TRHDE: variants seen among roughly 807,000 people sequenced by gnomAD.
The protein encoded by TRHDE is thyrotropin releasing hormone degrading enzyme, also known as thyrotropin-releasing hormone-degrading ectoenzyme.
In TRHDE, 72 loss-of-function variants were observed where a neutral mutation model predicts 125.7. The observed-to-expected ratio is 0.57, with a 90% CI of 0.47 to 0.70. The LOEUF (loss-of-function observed/expected upper bound fraction) is 0.70. Ranked by LOEUF, TRHDE falls within the 30% of genes least tolerant of loss-of-function variation. The probability of loss-of-function intolerance (pLI) is 0.00; values close to 1 mark genes in which losing one functional copy is unlikely to be tolerated. For missense variants in TRHDE, 1,110 were observed against 1,327.1 expected, an observed-to-expected ratio of 0.84 and a Z score of 2.54; for synonymous variants, 509 against 509.1, an observed-to-expected ratio of 1.00 and a Z score of 0.00.
chr12:72,493,684 T>C (rs1351989160), intron 5 of TRHDE, among the ~76,000 whole-genome samples: 1 of 151,988 alleles, frequency 6.6e-6, no homozygotes, highest in Non-Finnish European at 1.5e-5. Context: ...TTCTCATTAC[T>C]GGTAATTTAC....
chr12:72,618,585 A>G (rs1323600890), intron 12 of TRHDE, among the ~76,000 whole-genome samples: 2 of 152,100 alleles, frequency 1.3e-5, no homozygotes, highest in African/African-American at 4.8e-5. Context: ...TAACCTCTGA[A>G]GAGTTTCTGT....
chr12:72,460,939 G>A (rs1057412952), intron 3 of TRHDE, among the ~76,000 whole-genome samples: 2 of 152,028 alleles, frequency 1.3e-5, no homozygotes, highest in Admixed American at 1.3e-4. Flanking sequence ...AGGAAATCAA[G>A]CAACACATGT....
intron 3 of TRHDE, among the ~76,000 whole-genome samples, chr12:72,405,152 GAC>G (rs1565729280): frequency 6.6e-6 from 1 of 152,150 alleles, no homozygotes; most frequent in East Asian, 1.9e-4. Flanking sequence ...TTTTACAAAA[GAC>G]AAAACTGAGA....
chr12:72,343,099 C>G (rs1870156061), intron 2 of TRHDE, among the ~76,000 whole-genome samples: 1 of 152,064 alleles, frequency 6.6e-6, no homozygotes, highest in Non-Finnish European at 1.5e-5. Context: ...CAGACTTCAG[C>G]CTATGGTCTT....
chr12:72,115,354 C>A (rs1487777679), intron 2 of TRHDE, among the ~76,000 whole-genome samples: 1 of 151,782 alleles, frequency 6.6e-6, no homozygotes, highest in Non-Finnish European at 1.5e-5. Context: ...TAGTTCCGTC[C>A]ATGTTGTTGC....
At chr12:72,092,058 G>C (rs1339589380) in intron 1 of TRHDE, among the ~76,000 whole-genome samples, 1 of 152,210 alleles carries the variant, frequency 6.6e-6, no homozygotes, top group East Asian at 1.9e-4. Flanking sequence ...GGCAGTAACA[G>C]TAGTAACTGC....
chr12:72,538,719 C>G (rs1358406735), intron 6 of TRHDE, among the ~76,000 whole-genome samples: 1 of 151,890 alleles, frequency 6.6e-6, no homozygotes, highest in African/African-American at 2.4e-5. Context: ...CTTCTAAATT[C>G]TGTATATCTG....
intron 12 of TRHDE, among the ~76,000 whole-genome samples, chr12:72,602,424 C>T (rs996655728): frequency 6.6e-6 from 1 of 152,124 alleles, no homozygotes; most frequent in Non-Finnish European, 1.5e-5. Flanking sequence ...AAATAAGACA[C>T]ATCTCTGAAG....
At position 72,547,870 on chromosome 12, in the gene TRHDE, CAGA is replaced by C. The variant is rs1231898692; in HGVS notation, c.1788+5517_1788+5519del. 2.0e-5 allele frequency among the ~76,000 whole-genome samples: 3 copies of C among 151,936 alleles called. No homozygotes were observed. The East Asian group carries it at 5.8e-4, about 29-fold the overall frequency. On this transcript the variant is annotated intron_variant, in intron 7 of 18. Coordinates refer to ENST00000261180, the MANE Select transcript of TRHDE (RefSeq NM_013381.3). ...CAATAACCAGAAACTGTCTCTTGCA[CAGA>C]AGCTCAAGTTACACTTTTTAAATAT...
intron 2 of TRHDE, among the ~76,000 whole-genome samples, chr12:72,110,711 T>C (rs1256412376): frequency 6.6e-6 from 1 of 152,158 alleles, no homozygotes; most frequent in Admixed American, 6.6e-5. Context: ...TGTTCTACAA[T>C]GATTTATTCC....
At chr12:72,451,229 G>A (rs1875554287) in intron 3 of TRHDE, among the ~76,000 whole-genome samples, 1 of 151,988 alleles carries the variant, frequency 6.6e-6, no homozygotes, top group Admixed American at 6.6e-5. Context: ...TTTCTCCTCT[G>A]TTTTCTTCTA....
At chr12:72,176,809 C>T (rs1414886489) in intron 2 of TRHDE, among the ~76,000 whole-genome samples, 1 of 152,104 alleles carries the variant, frequency 6.6e-6, no homozygotes, top group Admixed American at 6.6e-5. Context: ...AAAGATAGTA[C>T]AAAAACTAAA....
intron 2 of TRHDE, among the ~76,000 whole-genome samples, chr12:72,291,977 C>T (rs1880105894): frequency 6.6e-6 from 1 of 152,126 alleles, no homozygotes; most frequent in African/African-American, 2.4e-5. Flanking sequence ...TACATTCAGC[C>T]CAAGCAGGTA....
At chr12:72,483,392 T>C (rs974503860) in intron 5 of TRHDE, among the ~76,000 whole-genome samples, 1 of 152,020 alleles carries the variant, frequency 6.6e-6, no homozygotes, top group Non-Finnish European at 1.5e-5. Context: ...AAAATATGTA[T>C]GAAATCCCCA....
chr12:72,380,330 A>G (rs1473670875), intron 3 of TRHDE, among the ~76,000 whole-genome samples: 1 of 152,216 alleles, frequency 6.6e-6, no homozygotes, highest in Non-Finnish European at 1.5e-5. Context: ...GCAATTAGTA[A>G]CATTTGTAGC....
intron 12 of TRHDE, among the ~76,000 whole-genome samples, chr12:72,580,384 T>C (rs1312409318): frequency 1.3e-5 from 2 of 152,250 alleles, no homozygotes; most frequent in Admixed American, 1.3e-4. Flanking sequence ...GTATTATGGC[T>C]TGCACTTTAA....
chr12:72,409,849 A>T (rs1057282057), intron 3 of TRHDE, among the ~76,000 whole-genome samples: 1 of 152,210 alleles, frequency 6.6e-6, no homozygotes, highest in Non-Finnish European at 1.5e-5. Context: ...GAACCATAGT[A>T]ACTGGTAATG....
At chr12:72,642,780 C>A (rs1874118560) in intron 15 of TRHDE, among the ~76,000 whole-genome samples, 1 of 152,142 alleles carries the variant, frequency 6.6e-6, no homozygotes, top group Admixed American at 6.5e-5. Context: ...TCCTTGTAAT[C>A]CTAATATCAA....
intron 2 of TRHDE, among the ~76,000 whole-genome samples, chr12:72,115,694 C>T (rs970211426): frequency 1.3e-5 from 2 of 152,180 alleles, no homozygotes; most frequent in Non-Finnish European, 2.9e-5. Flanking sequence ...CTTTCCTCCA[C>T]ATCCTCACTA....
Sources: gnomAD v4.1 joint callset for allele counts (sites outside exome capture counted in the v4.1 genomes callset) on GRCh38, gnomAD v4.1.1 for gene constraint, MANE v1.5 for transcripts, NCBI Gene and HGNC (gene_info 2026-07-23, HGNC 2026-07-21) for gene names.